The following KCNT1 variants were observed in gnomAD, a reference collection of about 807,000 sequenced individuals.
KCNT1 encodes the protein potassium channel subfamily T member 1.
Under a neutral mutation model 147.8 loss-of-function variants are expected in KCNT1, and 78 were observed. The observed-to-expected ratio is 0.53, with a 90% CI of 0.44 to 0.64. KCNT1 has a LOEUF of 0.64. Among genes scored for constraint, KCNT1 ranks in the 30% least tolerant of loss-of-function variants. The pLI is 0.00. For synonymous variants in KCNT1, 867 were observed against 748.8 expected (o/e 1.16, Z -2.58); for missense variants, 1,419 against 1,750.3 (o/e 0.81, Z 3.38).
intron 2 of KCNT1, among the ~76,000 whole-genome samples, chr9:135,744,808 C>G (rs1015448985): frequency 6.6e-6 from 1 of 152,224 alleles, no homozygotes; most frequent in Non-Finnish European, 1.5e-5. Context: ...CTGAGGCTCC[C>G]TGCTGTGTCT....
At position 135,758,265 on chromosome 9, in the gene KCNT1, GTGGCCAGGTACA is replaced by G. The variant is rs1298268846; in HGVS notation, c.760-148_760-137del. 1.4e-4 allele frequency: 92 copies of G among 644,044 alleles called. 2 individuals are homozygous for G. Among genetic ancestry groups the G allele is most frequent in the Non-Finnish European group, 7.5e-5 (27 of 358,260 alleles). 39.9% of individuals were successfully genotyped at this position (644,044 alleles called of 1,614,324 possible). Reference sequence around the variant, plus strand: ...CATGGGCCTCAGCCGAGACACAGGTGTGGCCAGGTACAGGCTGCCCCGTGGGCCTCAGCCGAG... The same window carrying G: ...CATGGGCCTCAGCCGAGACACAGGTGGGCTGCCCCGTGGGCCTCAGCCGAG... On this transcript the variant is annotated intron_variant, in intron 9 of 30. Transcript: ENST00000371757.
At chr9:135,791,294 T>C (rs1378159152) in intron 29 of KCNT1, 3 of 164,318 alleles carry the variant, frequency 1.8e-5, no homozygotes, top group Admixed American at 6.2e-5. Context: ...TATGAGTGAG[T>C]GTGCAGGGGT....
chr9:135,782,297 T>C (rs1346382302), intron 24 of KCNT1, among the ~76,000 whole-genome samples: 1 of 152,192 alleles, frequency 6.6e-6, no homozygotes, highest in African/African-American at 2.4e-5. Context: ...CAGAAGGCTC[T>C]CAGAGCCCCG....
chr9:135,772,031 C>T (rs1052624872), intron 18 of KCNT1, among the ~76,000 whole-genome samples: 26 of 152,166 alleles, frequency 1.7e-4, no homozygotes, highest in African/African-American at 3.6e-4. Context: ...CGTGCCGATG[C>T]GGAGCCCACC....
chr9:135,765,600 T>C (rs761515387), intron 12 of KCNT1, 24 bp from the exon 13 acceptor site: 2 of 1,597,924 alleles, frequency 1.3e-6, no homozygotes, highest in South Asian at 1.1e-5. Context: ...GCTCAGAGGG[T>C]CTGACCCTCC....
intron 4 of KCNT1, among the ~76,000 whole-genome samples, chr9:135,751,546 C>T (rs1286720750): frequency 6.6e-6 from 1 of 152,206 alleles, no homozygotes; most frequent in Non-Finnish European, 1.5e-5. Flanking sequence ...GCAATCTGCA[C>T]CGTCAGGTCC....
At chr9:135,724,135 A>G (rs1239383297) in intron 2 of KCNT1, among the ~76,000 whole-genome samples, 3 of 152,176 alleles carry the variant, frequency 2.0e-5, no homozygotes, top group African/African-American at 7.2e-5. Context: ...CAGAGGCTCG[A>G]GAGGCACAGG....
chr9:135,773,935 T>C (rs1255459384), intron 19 of KCNT1, among the ~76,000 whole-genome samples: 1 of 151,996 alleles, frequency 6.6e-6, no homozygotes, highest in Non-Finnish European at 1.5e-5. Context: ...GGCAGAGCCC[T>C]GTGGGTTTTG....
At position 135,769,945 on chromosome 9, in the gene KCNT1, A is replaced by G; in HGVS notation, c.1511-2A>G. On this transcript the variant is annotated splice_acceptor_variant, in intron 15 of 30. Coordinates refer to ENST00000371757, the MANE Select transcript of KCNT1 (RefSeq NM_020822.3). LOFTEE classifies it high-confidence loss of function. ...TGGACCGGCCTCCCCCACTGCCCGC[A>G]GACCACGTGGTGTGTGAGGAGGAGT... 1 of 1,549,510 alleles carries G rather than the reference A, an allele frequency of 6.5e-7. No homozygotes were observed.
chr9:135,754,027 G>C (rs763790660), intron 5 of KCNT1, 34 bp downstream of exon 5: 1 of 1,593,234 alleles, frequency 6.3e-7, no homozygotes, highest in Non-Finnish European at 8.6e-7. Flanking sequence ...ATAGCCAGGC[G>C]CTCAGAGGCC....
At chr9:135,704,241 C>G (rs1164210607) in intron 1 of KCNT1, among the ~76,000 whole-genome samples, 5 of 152,316 alleles carry the variant, frequency 3.3e-5, no homozygotes, top group Non-Finnish European at 5.9e-5. Flanking sequence ...AGGCCTTGAG[C>G]AGGCCTCTGT....
chr9:135,768,152 G>A (rs372723046), intron 13 of KCNT1, among the ~76,000 whole-genome samples: 3 of 147,510 alleles, frequency 2.0e-5, no homozygotes, highest in Admixed American at 6.7e-5. Context: ...GTCGGAGCTT[G>A]GAGTCTCCTA....
At chr9:135,775,079 G>A (rs1833068942) in intron 19 of KCNT1, among the ~76,000 whole-genome samples, 1 of 152,218 alleles carries the variant, frequency 6.6e-6, no homozygotes, top group South Asian at 2.1e-4. Context: ...TGGGTGCCAA[G>A]GCTAGGCAGG....
intron 29 of KCNT1, among the ~76,000 whole-genome samples, 188 bp downstream of exon 29, chr9:135,786,709 C>T (rs952791459): frequency 6.6e-6 from 1 of 152,258 alleles, no homozygotes; most frequent in East Asian, 1.9e-4. Context: ...GGCACCACCA[C>T]GGCCCAGCAG....
chr9:135,764,408 TGTGATTGCACCACGGCACTCCAGCCTGG>T (rs2131470941), intron 11 of KCNT1, among the ~76,000 whole-genome samples: 1 of 152,284 alleles, frequency 6.6e-6, no homozygotes, highest in African/African-American at 2.4e-5. Flanking sequence ...TGCAGTGAGC[TGTGATTGCACCACGGCACTCCAGCCTGG>T]GTGACAGAGT....
intron 29 of KCNT1, chr9:135,789,350 G>C (rs1426307152): frequency 6.6e-6 from 1 of 152,294 alleles, no homozygotes; most frequent in Non-Finnish European, 1.5e-5. Context: ...CCCATGTTTA[G>C]ATTCAAGCGG....
chr9:135,775,464 G>A (rs369574324), intron 20 of KCNT1, 49 bp downstream of exon 20: 26 of 1,414,102 alleles, frequency 1.8e-5, no homozygotes, highest in South Asian at 3.7e-5. Context: ...CGCCAGCACC[G>A]GGCCGTGCAT....
chr9:135,782,542 C>T (rs1045708237), intron 24 of KCNT1, among the ~76,000 whole-genome samples: 3 of 152,252 alleles, frequency 2.0e-5, no homozygotes, highest in South Asian at 2.1e-4. Context: ...CTCATCCGCT[C>T]CTGTGTGCTC....
In KCNT1 at chr9:135,714,649, G is replaced by A; in HGVS notation, c.183G>A (p.Val61=). 1 of 1,481,992 alleles carries A rather than the reference G, an allele frequency of 6.7e-7. No homozygotes were observed. The highest frequency in any genetic ancestry group is 9.0e-7 in the Non-Finnish European group (1 of 1,106,770). The allele number at this position is 1,481,992 out of a possible 1,614,324, so 91.8% of individuals were successfully genotyped here. A position where few individuals can be genotyped will look rare whatever the true frequency, so the allele number is the denominator to read the frequency against. ...AGATGAGCGACCTGGACTCCGAGGT[G>A]CTGCCCTTGCCGCCGCGCTACCGCT... is the stretch of plus-strand genomic sequence containing the variant. ...GFKMSDLDSE[V]LPLPPRYRFR... is the part of the protein sequence containing the mutation. The change falls in exon 2 of 31, where the codon GTG becomes GTA. Residue 61 remains valine, a synonymous_variant. Coordinates refer to ENST00000371757, the MANE Select transcript of KCNT1 (RefSeq NM_020822.3). The surrounding 1 kb of genome is among the most constrained non-coding windows in gnomAD (Gnocchi z 6.2).
Sources: gnomAD v4.1 joint callset for allele counts (sites outside exome capture counted in the v4.1 genomes callset) on GRCh38, gnomAD v4.1.1 for gene constraint, Gnocchi (gnomAD v3.1) non-coding constraint, MANE v1.5 for transcripts, NCBI Gene and HGNC (gene_info 2026-07-23, HGNC 2026-07-21) for gene names.